Variants in SPATA17 observed in about 807,000 individuals in gnomAD.
SPATA17 encodes spermatogenesis associated 17, also known as spermatogenesis-associated protein 17.
SPATA17 carries 53 observed loss-of-function variants against 62.2 expected under a neutral mutation model. That is an observed-to-expected ratio of 0.85 (90% CI 0.68 to 1.07). The LOEUF (loss-of-function observed/expected upper bound fraction) is 1.07, where lower values mean the gene tolerates loss of function less well. Ranked by LOEUF, SPATA17 falls within the 50% of genes least tolerant of loss-of-function variation. The pLI is 0.00. For missense variants in SPATA17, 466 were observed against 425.5 expected (o/e 1.10, Z -0.84); for synonymous variants, 146 against 146.8 (o/e 0.99, Z 0.04).
chr1:217,689,342 C>T (rs1671296160), intron 5 of SPATA17, among the ~76,000 whole-genome samples: 1 of 148,676 alleles, frequency 6.7e-6, no homozygotes, highest in African/African-American at 2.5e-5. Context: ...TCTCCTGCCT[C>T]AGCTTCCCGA....
At chr1:217,839,020 A>T (rs1445699997) in intron 9 of SPATA17, among the ~76,000 whole-genome samples, 1 of 152,020 alleles carries the variant, frequency 6.6e-6, no homozygotes, top group Non-Finnish European at 1.5e-5. Context: ...AATAGGTGTG[A>T]CTCTTGGACC....
intron 5 of SPATA17, among the ~76,000 whole-genome samples, chr1:217,719,985 T>A (rs1261253220): frequency 6.6e-6 from 1 of 152,186 alleles, no homozygotes; most frequent in African/African-American, 2.4e-5. Context: ...CTACCTTTGT[T>A]GGAGTATGAG....
In SPATA17 at chr1:217,869,390, G is replaced by A. The variant is rs935574356; in HGVS notation, c.*2371G>A. The A allele has an allele frequency of 6.6e-6, 1 of 152,120 alleles. No individual in the cohort carries two copies. The highest frequency in any genetic ancestry group is 2.4e-5 in the African/African-American group (1 of 41,426). 9.4% of individuals were successfully genotyped at this position (152,120 alleles called of 1,614,324 possible). A position where few individuals can be genotyped will look rare whatever the true frequency, so the allele number is the denominator to read the frequency against. On this transcript the variant is annotated 3_prime_UTR_variant, in exon 11 of 11. Coordinates refer to ENST00000366933, the MANE Select transcript of SPATA17 (RefSeq NM_138796.4). Reference sequence around the variant, plus strand: ...AAGCCTCCAGGTGGCAGACTTCAGAGAGCATAGATTGTAAATGTTTCTTAT... The same window carrying A: ...AAGCCTCCAGGTGGCAGACTTCAGAAAGCATAGATTGTAAATGTTTCTTAT...
chr1:217,682,324 C>CT (rs1671103986), intron 4 of SPATA17, among the ~76,000 whole-genome samples: 2 of 150,424 alleles, frequency 1.3e-5, no homozygotes, highest in South Asian at 2.1e-4. Context: ...TAGAAGCTGA[C>CT]TTAGGTATGG....
At chr1:217,857,209 T>G (rs982368192) in intron 9 of SPATA17, among the ~76,000 whole-genome samples, 1 of 152,178 alleles carries the variant, frequency 6.6e-6, no homozygotes, top group Non-Finnish European at 1.5e-5. Context: ...CACTCAGTTG[T>G]GAGTATCTGG....
At chr1:217,691,190 T>C (rs1225610899) in intron 5 of SPATA17, among the ~76,000 whole-genome samples, 2 of 149,268 alleles carry the variant, frequency 1.3e-5, no homozygotes, top group African/African-American at 2.5e-5. Flanking sequence ...TTCTAACTGG[T>C]GTGAGATGAT....
chr1:217,836,466 A>G (rs1159714346), intron 9 of SPATA17, among the ~76,000 whole-genome samples: 3 of 152,164 alleles, frequency 2.0e-5, no homozygotes, highest in Admixed American at 2.0e-4. Flanking sequence ...TGTCAGATAC[A>G]TTCCGGGGAA....
intron 4 of SPATA17, among the ~76,000 whole-genome samples, chr1:217,670,078 C>A (rs1670798467): frequency 6.6e-6 from 1 of 152,096 alleles, no homozygotes; most frequent in African/African-American, 2.4e-5. Context: ...TTGCCTTTCT[C>A]AGTAATATTC....
chr1:217,850,965 C>T (rs1055330313), intron 9 of SPATA17, among the ~76,000 whole-genome samples: 4 of 152,036 alleles, frequency 2.6e-5, no homozygotes, highest in East Asian at 1.9e-4. Flanking sequence ...ATTTAATTTA[C>T]GTCTGAAGAG....
rs1670107457 is a variant in SPATA17 at position 217,643,307 on chromosome 1, C to T, written c.69-5575C>T. 3.3e-5 allele frequency among the ~76,000 whole-genome samples: 5 copies of T among 152,102 alleles called. No individual in the cohort carries two copies. In the South Asian group the frequency reaches 6.2e-4, roughly 19 times the overall value. ...ACTGCCTCTTCTCTTAGACCCAGTG[C>T]GGGCTCTACCTCCTCATGCTGAACC... On this transcript the variant is annotated intron_variant, in intron 1 of 10. Coordinates refer to ENST00000366933, the MANE Select transcript of SPATA17 (RefSeq NM_138796.4).
At chr1:217,864,949 T>C (rs946632777) in intron 10 of SPATA17, among the ~76,000 whole-genome samples, 6 of 152,198 alleles carry the variant, frequency 3.9e-5, no homozygotes, top group South Asian at 2.1e-4. Flanking sequence ...AAATATGTTA[T>C]GGTTTTTTTT....
intron 9 of SPATA17, among the ~76,000 whole-genome samples, chr1:217,853,333 T>C (rs1352962709): frequency 6.6e-6 from 1 of 152,216 alleles, no homozygotes; most frequent in African/African-American, 2.4e-5. Flanking sequence ...CATCAGGTTA[T>C]AATCTATATA....
At chr1:217,793,162 A>G (rs1674040972) in intron 8 of SPATA17, among the ~76,000 whole-genome samples, 1 of 151,606 alleles carries the variant, frequency 6.6e-6, no homozygotes, top group African/African-American at 2.4e-5. Context: ...AGGAGAAACT[A>G]TATAGAGAGA....
At chr1:217,780,336 T>TAA (rs35813982) in intron 7 of SPATA17, among the ~76,000 whole-genome samples, 73,943 of 151,728 alleles carry the variant, frequency 0.49, 19,252 homozygotes, top group Non-Finnish European at 0.59. Context: ...GTCTGAGGTA[T>TAA]AAATGTATGT....
At chr1:217,798,473 T>C (rs1346531477) in intron 8 of SPATA17, among the ~76,000 whole-genome samples, 1 of 152,158 alleles carries the variant, frequency 6.6e-6, no homozygotes, top group Admixed American at 6.5e-5. Flanking sequence ...TGTTTAAGAG[T>C]CTTGTATTTA....
chr1:217,817,831 T>C (rs1157557831), intron 9 of SPATA17, among the ~76,000 whole-genome samples: 1 of 152,076 alleles, frequency 6.6e-6, no homozygotes, highest in East Asian at 1.9e-4. Context: ...CACACATGCT[T>C]AGTGTACAGG....
chr1:217,674,996 A>G (rs1670915296), intron 4 of SPATA17, among the ~76,000 whole-genome samples: 1 of 152,200 alleles, frequency 6.6e-6, no homozygotes, highest in South Asian at 2.1e-4. Context: ...AAACAAGAAC[A>G]GAAGTTCTCA....
At chr1:217,832,016 C>G (rs1007684476) in intron 9 of SPATA17, among the ~76,000 whole-genome samples, 4 of 152,030 alleles carry the variant, frequency 2.6e-5, no homozygotes, top group African/African-American at 9.7e-5. Context: ...CTGTTTGAAT[C>G]TGAAGCTTCA....
intron 9 of SPATA17, among the ~76,000 whole-genome samples, chr1:217,825,145 A>G (rs1014376508): frequency 7.3e-5 from 11 of 151,644 alleles, no homozygotes; most frequent in African/African-American, 2.4e-4. Flanking sequence ...GAATAAAAAC[A>G]TATGCAGTAA....
Sources: allele counts gnomAD v4.1 joint callset (sites outside exome capture counted in the v4.1 genomes callset), GRCh38; gene constraint gnomAD v4.1.1; transcripts MANE v1.5; gene names NCBI Gene and HGNC (gene_info 2026-07-23, HGNC 2026-07-21).